PTPRD: variants seen among roughly 807,000 people sequenced by gnomAD.
PTPRD encodes protein tyrosine phosphatase receptor type D.
A neutral mutation model predicts 214.5 loss-of-function variants in PTPRD; 34 were observed. The ratio of observed to expected loss-of-function variants is 0.16; its 90% CI spans 0.12 to 0.21. The LOEUF is 0.21. Ranked by LOEUF, PTPRD falls within the 10% of genes least tolerant of loss-of-function variation. The pLI is 1.00. For missense variants in PTPRD, 2,545 were observed against 2,398.7 expected (o/e 1.06, Z -1.27); for synonymous variants, 1,128 against 845.7 (o/e 1.33, Z -5.79).
intron 5 of PTPRD, among the ~76,000 whole-genome samples, chr9:9,879,194 TTTTTC>T (rs1232684634): frequency 6.6e-6 from 1 of 152,210 alleles, no homozygotes; most frequent in Non-Finnish European, 1.5e-5. Context: ...TATTTGCCCT[TTTTTC>T]TTTTGTTTAT....
intron 3 of PTPRD, among the ~76,000 whole-genome samples, chr9:10,161,201 A>C (rs2099125349): frequency 6.6e-6 from 1 of 151,952 alleles, no homozygotes; most frequent in East Asian, 1.9e-4. Flanking sequence ...ATTCACACAA[A>C]TTTTAAAATT....
intron 11 of PTPRD, among the ~76,000 whole-genome samples, chr9:8,824,625 G>C (rs1051137980): frequency 6.6e-6 from 1 of 152,018 alleles, no homozygotes; most frequent in African/African-American, 2.4e-5. Context: ...AACTAAATTA[G>C]AAGGCTTTTT....
chr9:8,730,044 G>A (rs1429491134), intron 12 of PTPRD, among the ~76,000 whole-genome samples: 1 of 152,036 alleles, frequency 6.6e-6, no homozygotes, highest in African/African-American at 2.4e-5. Flanking sequence ...ATCACGAGGT[G>A]AGGAGATCAA....
At chr9:9,029,212 A>T (rs1023398007) in intron 10 of PTPRD, among the ~76,000 whole-genome samples, 6 of 151,930 alleles carry the variant, frequency 3.9e-5, no homozygotes, top group African/African-American at 1.4e-4. Flanking sequence ...GAAAATTTAA[A>T]TTATATACAC....
At chr9:9,414,457 T>C (rs951455421) in intron 8 of PTPRD, among the ~76,000 whole-genome samples, 12 of 152,196 alleles carry the variant, frequency 7.9e-5, no homozygotes, top group Non-Finnish European at 1.5e-5. Context: ...ATCAAATACA[T>C]TTAGGGAAGG....
chr9:9,845,854 G>T (rs533577983), intron 5 of PTPRD, among the ~76,000 whole-genome samples: 1 of 152,186 alleles, frequency 6.6e-6, no homozygotes, highest in South Asian at 2.1e-4. Context: ...TAGCTAACTG[G>T]TTGTCAGTTA....
At chr9:9,940,722 C>T (rs1397223043) in intron 4 of PTPRD, among the ~76,000 whole-genome samples, 1 of 152,186 alleles carries the variant, frequency 6.6e-6, no homozygotes, top group Non-Finnish European at 1.5e-5. Flanking sequence ...CTGAGCTCTT[C>T]ACCACTTGTT....
Position 10,303,031 on chromosome 9 carries a change from T to C in PTPRD, c.-545+37932A>G, listed in dbSNP as rs2095915248. 2.0e-5 allele frequency among the ~76,000 whole-genome samples: 3 copies of C among 152,138 alleles called. No individual in the cohort carries two copies. The South Asian group carries it at 6.2e-4, about 31-fold the overall frequency. On this transcript the variant is annotated intron_variant, in intron 3 of 45. Coordinates refer to ENST00000381196, the MANE Select transcript of PTPRD (RefSeq NM_002839.4). ...TGGAAGTAAAACACTCCTCAGGGAA[T>C]GCAAAACAATAGCAATCATAACAAA...
rs1190573333 is a variant in PTPRD, at chr9:8,314,580, C to G, written c.*3294G>C. 3 of 232,050 alleles carry G rather than the reference C, an allele frequency of 1.3e-5. No individual in the cohort carries two copies. Among genetic ancestry groups the G allele is most frequent in the Admixed American group, 5.7e-5 (1 of 17,694 alleles). The allele number at this position is 232,050 out of a possible 1,614,324, so 14.4% of individuals were successfully genotyped here. Reference sequence around the variant, plus strand: ...ATGGATAGAATGGATCTGTAGCCTTCTGATCTCTGCTGGAGTATCAGGGCA... The same window carrying G: ...ATGGATAGAATGGATCTGTAGCCTTGTGATCTCTGCTGGAGTATCAGGGCA... On this transcript the variant is annotated 3_prime_UTR_variant, in exon 46 of 46. Transcript: ENST00000381196.
chr9:9,408,139 A>G (rs953512734), intron 8 of PTPRD, among the ~76,000 whole-genome samples: 5 of 151,836 alleles, frequency 3.3e-5, no homozygotes, highest in East Asian at 1.9e-4. Flanking sequence ...TTACTTTATC[A>G]GTATAGTGAT....
chr9:8,611,848 T>C (rs933399698), intron 14 of PTPRD, among the ~76,000 whole-genome samples: 12 of 144,884 alleles, frequency 8.3e-5, no homozygotes, highest in Non-Finnish European at 1.0e-4. Flanking sequence ...AGAGCAGGAA[T>C]AGCATTCATT....
Position 10,240,036 on chromosome 9 carries a change from G to A in PTPRD, c.-545+100927C>T, listed in dbSNP as rs564761325. Among the ~76,000 whole-genome samples the A allele has an allele frequency of 9.9e-4, 151 of 152,024 alleles. 2 individuals are homozygous for A. The Middle Eastern group carries it at 0.017, about 17-fold the overall frequency. On this transcript the variant is annotated intron_variant, in intron 3 of 45. Transcript: ENST00000381196. ...CCCATACTGAGGAGGGAAAAGTGTC[G>A]CACAGAGGGATCAAGAAACATCTAA...
chr9:10,381,719 A>G (rs969386477), intron 2 of PTPRD, among the ~76,000 whole-genome samples: 2 of 151,962 alleles, frequency 1.3e-5, no homozygotes. Flanking sequence ...AGTTATCTAC[A>G]GATTTTTTGG....
At position 9,169,614 on chromosome 9, in the gene PTPRD, C is replaced by G. The variant is rs572304520; in HGVS notation, c.-143+13690G>C. 2.0e-5 allele frequency among the ~76,000 whole-genome samples: 3 copies of G among 152,242 alleles called. No homozygotes were observed. The South Asian group carries it at 6.2e-4, about 32-fold the overall frequency. On this transcript the variant is annotated intron_variant, in intron 10 of 45. Transcript: ENST00000381196. ...TTACATATATGGTGATACACATAGG[C>G]AGCTTTGTTACTCCTTCTTTCTGTT...
chr9:10,181,733 T>C (rs1041415505), intron 3 of PTPRD, among the ~76,000 whole-genome samples: 1 of 151,440 alleles, frequency 6.6e-6, no homozygotes, highest in African/African-American at 2.4e-5. Context: ...AGGTGAACTG[T>C]TAGTAAATGG....
chr9:9,067,205 G>A (rs1276598313), intron 10 of PTPRD, among the ~76,000 whole-genome samples: 5 of 152,186 alleles, frequency 3.3e-5, no homozygotes, highest in Admixed American at 6.5e-5. Context: ...ACTCCAGCCT[G>A]GGCAATAAGA....
chr9:8,480,252 C>G (rs536883742), intron 30 of PTPRD, among the ~76,000 whole-genome samples: 47 of 152,274 alleles, frequency 3.1e-4, no homozygotes, highest in African/African-American at 1.1e-3. Context: ...GACGCTCTAT[C>G]CTCTGAGTGA....
At chr9:9,899,728 T>C (rs910412467) in intron 5 of PTPRD, among the ~76,000 whole-genome samples, 1 of 151,916 alleles carries the variant, frequency 6.6e-6, no homozygotes, top group Non-Finnish European at 1.5e-5. Context: ...AAAATCAGTA[T>C]GTGGAAGAGA....
chr9:9,633,595 C>T (rs776157574), intron 7 of PTPRD, among the ~76,000 whole-genome samples: 1 of 152,122 alleles, frequency 6.6e-6, no homozygotes, highest in Non-Finnish European at 1.5e-5. Context: ...AGAGATATTT[C>T]TAGCTCACTC....
Sources: gnomAD v4.1 joint callset for allele counts (sites outside exome capture counted in the v4.1 genomes callset) on GRCh38, gnomAD v4.1.1 for gene constraint, MANE v1.5 for transcripts, NCBI Gene and HGNC (gene_info 2026-07-23, HGNC 2026-07-21) for gene names.